Variants in PTPRM observed in about 807,000 individuals in gnomAD.
PTPRM encodes protein tyrosine phosphatase receptor type M, also known as receptor-type tyrosine-protein phosphatase mu.
In PTPRM, 47 loss-of-function variants were observed where a neutral mutation model predicts 186.7. The ratio of observed to expected loss-of-function variants is 0.25; its 90% CI spans 0.20 to 0.32. The LOEUF (loss-of-function observed/expected upper bound fraction) is 0.32, where lower values mean the gene tolerates loss of function less well. PTPRM is among the 10% of genes least tolerant of loss of function. The pLI is 1.00. For synonymous variants in PTPRM, 668 were observed against 674.9 expected, an observed-to-expected ratio of 0.99 and a Z score of 0.16; for missense variants, 1,494 against 1,865.0, an observed-to-expected ratio of 0.80 and a Z score of 3.66.
chr18:8,350,827 G>A (rs769521529), intron 23 of PTPRM, among the ~76,000 whole-genome samples: 5 of 152,134 alleles, frequency 3.3e-5, no homozygotes, highest in South Asian at 2.1e-4. Flanking sequence ...TGCCACACAC[G>A]CCCAGCACTG....
intron 2 of PTPRM, among the ~76,000 whole-genome samples, chr18:7,884,951 A>AAAAAG (rs1555632235): frequency 6.8e-6 from 1 of 146,202 alleles, no homozygotes; most frequent in Non-Finnish European, 1.5e-5. Context: ...AAAAAAAAAA[A>AAAAAG]GGAGAGAGAG....
chr18:8,371,436 CTGGAATCT>C (rs1324874362), intron 24 of PTPRM, among the ~76,000 whole-genome samples: 1 of 152,158 alleles, frequency 6.6e-6, no homozygotes, highest in African/African-American at 2.4e-5. Flanking sequence ...CTAACTCCTC[CTGGAATCT>C]CTCACTTCCT....
intron 7 of PTPRM, among the ~76,000 whole-genome samples, chr18:7,983,673 A>G (rs554446276): frequency 1.5e-4 from 23 of 152,190 alleles, no homozygotes; most frequent in African/African-American, 5.5e-4. Context: ...GTTCTGTCTC[A>G]ATCAGAACTA....
chr18:7,911,343 C>T (rs1340904314), intron 4 of PTPRM, among the ~76,000 whole-genome samples: 1 of 152,116 alleles, frequency 6.6e-6, no homozygotes, highest in African/African-American at 2.4e-5. Context: ...ATTGGCTGCA[C>T]CATTTTCCAT....
At position 8,076,560 on chromosome 18, in the gene PTPRM, A is replaced by T. The variant is rs778216178; in HGVS notation, c.1547A>T (p.Tyr516Phe). Residue 516 changes from tyrosine (Y) to phenylalanine (F), a missense_variant, in exon 9 of 33, where the codon TAT becomes TTT. Tyr to Phe is a conservative substitution (Grantham distance 22). This residue lies in a region of PTPRM where 1,107 missense variants were observed against 1,350.2 expected (regional missense o/e 0.82). Transcript: ENST00000580170. ...CAAACATATGGTGTAATCACTTTAT[A>T]TGAGGTAATATATATGTTTGTTAGT... is the stretch of plus-strand genomic sequence containing the variant. ...PTQTYGVITL[Y>F]EITYKAVSSF... is the part of the protein sequence containing the mutation. 4 of 1,453,460 alleles carry T rather than the reference A, an allele frequency of 2.8e-6. No individual in the cohort carries two copies. The South Asian group carries it at 4.7e-5, about 17-fold the overall frequency. 90.0% of individuals were successfully genotyped at this position (1,453,460 alleles called of 1,614,324 possible).
intron 1 of PTPRM, among the ~76,000 whole-genome samples, chr18:7,589,555 TC>T (rs1243157940): frequency 2.0e-5 from 3 of 151,574 alleles, no homozygotes; most frequent in Non-Finnish European, 2.9e-5. Flanking sequence ...CCCCTGCAAC[TC>T]CCCCCCACCA....
chr18:7,841,545 C>T (rs1231182062), intron 2 of PTPRM, among the ~76,000 whole-genome samples: 1 of 152,250 alleles, frequency 6.6e-6, no homozygotes, highest in Admixed American at 6.5e-5. Context: ...CCACCCGCCT[C>T]AGCCTCCCAA....
At chr18:7,602,951 G>A (rs967545671) in intron 1 of PTPRM, among the ~76,000 whole-genome samples, 5 of 133,182 alleles carry the variant, frequency 3.8e-5, no homozygotes, top group African/African-American at 1.2e-4. Flanking sequence ...TATTTGAGGC[G>A]GAGTCTCACT....
chr18:8,086,418 C>G (rs571002854), intron 10 of PTPRM, among the ~76,000 whole-genome samples: 1 of 152,236 alleles, frequency 6.6e-6, no homozygotes, highest in South Asian at 2.1e-4. Flanking sequence ...AGAAATATTT[C>G]TAGGCATGTT....
intron 2 of PTPRM, among the ~76,000 whole-genome samples, chr18:7,878,999 A>G (rs569874443): frequency 1.3e-5 from 2 of 152,342 alleles, no homozygotes; most frequent in South Asian, 4.1e-4. Flanking sequence ...TAGCGTCATC[A>G]GATAGTTAAA....
intron 20 of PTPRM, among the ~76,000 whole-genome samples, chr18:8,304,368 G>A (rs554902184): frequency 2.0e-5 from 3 of 152,214 alleles, no homozygotes; most frequent in East Asian, 3.9e-4. Flanking sequence ...CTATGTACAC[G>A]GGGGGAAAAC....
At chr18:8,381,485 T>A (rs1271466) in intron 29 of PTPRM, among the ~76,000 whole-genome samples, 3 of 152,162 alleles carry the variant, frequency 2.0e-5, no homozygotes, top group African/African-American at 7.2e-5. Flanking sequence ...GACATTCAAT[T>A]CAGTTCTATA....
intron 2 of PTPRM, among the ~76,000 whole-genome samples, chr18:7,851,282 T>C (rs947108055): frequency 2.0e-5 from 3 of 152,180 alleles, no homozygotes; most frequent in Non-Finnish European, 4.4e-5. Context: ...GCAGAGGAAT[T>C]GAAGCAATAT....
At chr18:8,087,272 A>AT (rs767445144) in intron 10 of PTPRM, among the ~76,000 whole-genome samples, 2 of 152,124 alleles carry the variant, frequency 1.3e-5, no homozygotes, top group Non-Finnish European at 2.9e-5. Context: ...TAATGAGTGT[A>AT]TTTTTTGAAT....
intron 1 of PTPRM, among the ~76,000 whole-genome samples, chr18:7,659,708 C>T (rs1351263767): frequency 6.6e-6 from 1 of 152,154 alleles, no homozygotes; most frequent in Non-Finnish European, 1.5e-5. Context: ...CTGAATATAT[C>T]TTTTTTATAT....
intron 14 of PTPRM, among the ~76,000 whole-genome samples, chr18:8,212,905 C>T (rs1444540801): frequency 6.6e-6 from 1 of 152,198 alleles, no homozygotes; most frequent in Non-Finnish European, 1.5e-5. Context: ...CAATTTCCTT[C>T]TTCAGATCTT....
At chr18:7,721,990 G>A (rs529032461) in intron 1 of PTPRM, among the ~76,000 whole-genome samples, 1 of 152,298 alleles carries the variant, frequency 6.6e-6, no homozygotes, top group East Asian at 1.9e-4. Flanking sequence ...AGGCAATATT[G>A]AGAGATTACT....
At chr18:8,323,215 T>C (rs2095356400) in intron 22 of PTPRM, among the ~76,000 whole-genome samples, 1 of 152,122 alleles carries the variant, frequency 6.6e-6, no homozygotes, top group Admixed American at 6.5e-5. Flanking sequence ...GAAAGTGCTG[T>C]GAGTGTGTTC....
chr18:8,196,816 T>A (rs934964183), intron 14 of PTPRM, among the ~76,000 whole-genome samples: 1 of 152,210 alleles, frequency 6.6e-6, no homozygotes, highest in African/African-American at 2.4e-5. Flanking sequence ...CTTTTGAACC[T>A]TGATGTCACC....
Sources: allele counts gnomAD v4.1 joint callset (sites outside exome capture counted in the v4.1 genomes callset), GRCh38; gene constraint gnomAD v4.1.1; regional missense constraint gnomAD v4.1.1; transcripts MANE v1.5; gene names NCBI Gene and HGNC (gene_info 2026-07-23, HGNC 2026-07-21).